SLC12A7: variants seen among roughly 807,000 people sequenced by gnomAD.
The protein encoded by SLC12A7 is K-Cl cotransporter 4.
Under a neutral mutation model 120.6 loss-of-function variants are expected in SLC12A7, and 100 were observed. The observed-to-expected ratio is 0.83, with a 90% CI of 0.71 to 0.98. The LOEUF (loss-of-function observed/expected upper bound fraction) is 0.98. Among genes scored for constraint, SLC12A7 ranks in the 50% least tolerant of loss-of-function variants. The pLI is 0.00. For synonymous variants in SLC12A7, 760 were observed against 678.0 expected (o/e 1.12, Z -1.88); for missense variants, 1,373 against 1,548.1 (o/e 0.89, Z 1.90).
In SLC12A7 at chr5:1,075,467, C is replaced by T. The variant is rs764812219; in HGVS notation, c.1871G>A (p.Ser624Asn). ...YHWTLSFLGMSLCLALMFICS... is the reference protein window; with the variant it reads ...YHWTLSFLGMNLCLALMFICS... ...GATGAACATCAGCGCCAGGCACAGG[C>T]TCATACCCAGAAAGGACAGGGTCCT... Residue 624 changes from serine to asparagine, a missense_variant, in exon 15 of 24, where the codon AGC becomes AAC. Physicochemically the swap from Ser to Asn is conservative, Grantham distance 46. Transcript: ENST00000264930. 19 of 1,612,020 alleles carry T rather than the reference C, an allele frequency of 1.2e-5. No individual in the cohort carries two copies. Among genetic ancestry groups the T allele is most frequent in the Non-Finnish European group, 1.4e-5 (17 of 1,179,236 alleles).
At position 1,053,336 on chromosome 5, in the gene SLC12A7, C is replaced by T. The variant is rs758958636; in HGVS notation, c.3160+13G>A. The stretch of plus-strand genomic sequence containing the variant: ...GCCCGCACGCTCAGCAGGCACACTG[C>T]AAGAAAGGATACAGTTCTCGTCTCC... On this transcript the variant is annotated intron_variant, in intron 23 of 23. Transcript: ENST00000264930. 3 of 1,612,788 alleles carry T rather than the reference C, an allele frequency of 1.9e-6. No individual in the cohort carries two copies. Among genetic ancestry groups the T allele is most frequent in the South Asian group, 1.1e-5 (1 of 90,830 alleles).
intron 20 of SLC12A7, among the ~76,000 whole-genome samples, chr5:1,062,500 A>C (rs892722879): frequency 1.1e-4 from 17 of 152,228 alleles, no homozygotes; most frequent in Non-Finnish European, 2.1e-4. Context: ...CCCTCGGCCT[A>C]GGAAAGGTCC....
intron 21 of SLC12A7, among the ~76,000 whole-genome samples, chr5:1,060,022 C>T (rs1736018209): frequency 6.6e-6 from 1 of 152,240 alleles, no homozygotes; most frequent in African/African-American, 2.4e-5. Flanking sequence ...TGCCTGCACG[C>T]TGCTCGGTTA....
chr5:1,076,432 G>C (rs1431016643), intron 13 of SLC12A7, among the ~76,000 whole-genome samples, 196 bp from the exon 14 acceptor site: 1 of 150,914 alleles, frequency 6.6e-6, no homozygotes, highest in South Asian at 2.1e-4. Context: ...GTGACCACCT[G>C]GTCCATCAAG....
intron 1 of SLC12A7, among the ~76,000 whole-genome samples, chr5:1,100,270 C>T (rs554216606): frequency 7.2e-5 from 11 of 152,326 alleles, no homozygotes; most frequent in South Asian, 2.1e-4. Flanking sequence ...GAGGCTTGTA[C>T]GGTGCTCCAT....
Position 1,093,541 on chromosome 5 carries a change from CCCG to C in SLC12A7, c.331_333del (p.Arg111del). 6.3e-7 allele frequency: 1 copy of C among 1,590,160 alleles called. No homozygotes were observed. Among genetic ancestry groups the C allele is most frequent in the South Asian group, 1.1e-5 (1 of 87,494 alleles). On this transcript the variant is annotated inframe_deletion, in exon 3 of 24. Transcript: ENST00000264930. ...GGGCAGGGTGGCAGTACCTTGGCCT[CCCG>C]CCGCCGGCTCTCCTCGTCCTCCTCG...
intron 22 of SLC12A7, chr5:1,057,141 A>T (rs1735706213): frequency 3.7e-6 from 1 of 268,286 alleles, no homozygotes; most frequent in African/African-American, 2.2e-5. Flanking sequence ...TCCTACAAGG[A>T]CCCCTCAGCG....
chr5:1,079,742 G>A (rs1403480467), intron 9 of SLC12A7, among the ~76,000 whole-genome samples: 3 of 152,262 alleles, frequency 2.0e-5, no homozygotes, highest in African/African-American at 7.2e-5. Context: ...AACCGACCCC[G>A]TCACTGACCC....
In SLC12A7 at chr5:1,095,117, C is replaced by G. The variant is rs554078994; in HGVS notation, c.125-869G>C. 4.2e-5 allele frequency among the ~76,000 whole-genome samples: 6 copies of G among 143,020 alleles called. No homozygotes were observed. In the South Asian group the frequency reaches 1.1e-3, roughly 26 times the overall value. 93.8% of individuals were successfully genotyped at this position (143,020 alleles called of 152,430 possible). ...TGGAAGGGGATGAAAGTCCCTACCCCCAGGCCTCAGCAGCAGAGCTGTCGC... is the reference window on the plus strand; with the variant it reads ...TGGAAGGGGATGAAAGTCCCTACCCGCAGGCCTCAGCAGCAGAGCTGTCGC... On this transcript the variant is annotated intron_variant, in intron 1 of 23. Transcript: ENST00000264930.
At chr5:1,060,482 G>A (rs574607681) in intron 20 of SLC12A7, 31 bp from the exon 21 acceptor site, 106 of 1,528,818 alleles carry the variant, frequency 6.9e-5, no homozygotes, top group South Asian at 2.9e-4. Flanking sequence ...TAGTAAGCCC[G>A]GTGTGCACAG....
chr5:1,129,733 G>A, the SLC12A7 span, among the ~76,000 whole-genome samples: 1 of 152,226 alleles, frequency 6.6e-6, no homozygotes, highest in East Asian at 1.9e-4. Flanking sequence ...CTGATGGGAT[G>A]TAATTTCTGG....
chr5:1,126,275 G>C, the SLC12A7 span, among the ~76,000 whole-genome samples: 13 of 152,096 alleles, frequency 8.5e-5, 1 homozygote, highest in Admixed American at 5.2e-4. Context: ...TTTTAGTAGA[G>C]ACAGGGTTTC....
At position 1,086,948 on chromosome 5, in the gene SLC12A7, C is replaced by T. The variant is rs747788288; in HGVS notation, c.630G>A (p.Thr210=). 8.7e-6 allele frequency: 14 copies of T among 1,612,770 alleles called. No homozygotes were observed. Among genetic ancestry groups the T allele is most frequent in the Admixed American group, 6.7e-5 (4 of 60,002 alleles). Residue 210 remains threonine, a synonymous_variant, in exon 6 of 24, where the codon ACG becomes ACA. Coordinates refer to ENST00000264930, the MANE Select transcript of SLC12A7 (RefSeq NM_006598.3). ...AVGLCFYLGT[T]FAGAMYILGT... is the part of the protein sequence containing the mutation. Reference sequence around the variant, plus strand: ...CCAAAATATACATGGCCCCTGCAAACGTCGTGCCCAGGTAGAAGCAGAGGC... The same window carrying T: ...CCAAAATATACATGGCCCCTGCAAATGTCGTGCCCAGGTAGAAGCAGAGGC...
At chr5:1,154,726 C>G in the SLC12A7 span, among the ~76,000 whole-genome samples, 1 of 152,230 alleles carries the variant, frequency 6.6e-6, no homozygotes, top group Admixed American at 6.5e-5. Flanking sequence ...CGCACGGCCC[C>G]CACACACGTG....
intron 15 of SLC12A7, 67 bp from the exon 16 acceptor site, chr5:1,074,738 G>A (rs767455799): frequency 4.9e-6 from 7 of 1,439,018 alleles, no homozygotes; most frequent in African/African-American, 2.8e-5. Flanking sequence ...CCTGGGAAAG[G>A]GGACTTCTGG....
intron 20 of SLC12A7, among the ~76,000 whole-genome samples, chr5:1,061,795 CAAAG>C (rs202186561): frequency 1.1e-3 from 112 of 98,770 alleles, no homozygotes; most frequent in Middle Eastern, 4.5e-3. Flanking sequence ...ACTAAAAATA[CAAAG>C]AAAAAAAAAA....
intron 12 of SLC12A7, among the ~76,000 whole-genome samples, chr5:1,077,240 C>G (rs1738459134): frequency 6.6e-6 from 1 of 152,230 alleles, no homozygotes; most frequent in Admixed American, 6.5e-5. Context: ...CCGGCTGGGA[C>G]TGAAGATGCA....
At position 1,087,020 on chromosome 5, in the gene SLC12A7, G is replaced by A. The variant is rs776038408; in HGVS notation, c.558C>T (p.Tyr186=). The part of the protein sequence containing the change: ...TNGVVPAGGS[Y]YMISRSLGPE... ...GTCCCAGCGAGCGCGATATCATGTA[G>A]TAGGACCCGCCAGCTGCGGAGACAA... The change falls in exon 6 of 24, where the codon TAC becomes TAT. Residue 186 remains tyrosine, a synonymous_variant. Transcript: ENST00000264930. 1 of 1,612,136 alleles carries A rather than the reference G, an allele frequency of 6.2e-7. No individual in the cohort carries two copies. The highest frequency in any genetic ancestry group is 8.5e-7 in the Non-Finnish European group (1 of 1,179,618).
At chr5:1,054,127 C>T (rs1214478884) in intron 22 of SLC12A7, among the ~76,000 whole-genome samples, 2 of 152,272 alleles carry the variant, frequency 1.3e-5, no homozygotes, top group Non-Finnish European at 2.9e-5. Flanking sequence ...CCTCAGTGGC[C>T]ACTACTGGGT....
Sources: allele counts gnomAD v4.1 joint callset (sites outside exome capture counted in the v4.1 genomes callset), GRCh38; gene constraint gnomAD v4.1.1; transcripts MANE v1.5; gene names NCBI Gene and HGNC (gene_info 2026-07-23, HGNC 2026-07-21).